Variants in GRAP2 observed in about 807,000 individuals in gnomAD.
GRAP2 encodes GRB2 related adaptor protein 2.
GRAP2 carries 31 observed loss-of-function variants against 43.5 expected under a neutral mutation model. That is an observed-to-expected ratio of 0.71 (90% confidence interval 0.54 to 0.96). The LOEUF is 0.96. Ranked by LOEUF, GRAP2 falls within the 40% of genes least tolerant of loss-of-function variation. The pLI is 0.00. For missense variants in GRAP2, 371 were observed against 424.4 expected (o/e 0.87, Z 1.11); for synonymous variants, 156 against 164.8 (o/e 0.95, Z 0.41).
intron 1 of GRAP2, among the ~76,000 whole-genome samples, chr22:39,920,611 C>A (rs982028831): frequency 6.6e-6 from 1 of 152,146 alleles, no homozygotes; most frequent in Admixed American, 6.5e-5. Context: ...ATGCTGCCCC[C>A]ATTCTGTGCT....
At chr22:39,967,997 T>G in intron 5 of GRAP2, 45 bp from the exon 6 acceptor site, 1 of 1,587,390 alleles carries the variant, frequency 6.3e-7, no homozygotes, top group Non-Finnish European at 8.6e-7. Flanking sequence ...GGCCAGACGA[T>G]CAGAGAGGAG....
the GRAP2 span, chr22:39,893,846 G>C: frequency 1.3e-5 from 2 of 152,308 alleles, no homozygotes; most frequent in Non-Finnish European, 2.9e-5. Context: ...CGTCAAGCAA[G>C]ATGGTTGCAG....
intron 5 of GRAP2, 23 bp downstream of exon 5, chr22:39,966,181 C>A (rs372341383): frequency 6.2e-7 from 1 of 1,602,806 alleles, no homozygotes; most frequent in South Asian, 1.1e-5. Context: ...TCCAGTCGAC[C>A]CCAATCTAGA....
rs1160900890 is a variant in GRAP2, at chr22:39,968,090, C to G, written c.508C>G (p.Leu170Val). Residue 170 changes from leucine to valine, a missense_variant, in exon 6 of 8, where the codon CTC (leucine) becomes GTC (valine). Transcript: ENST00000344138. ...CCGGAGGTCCCAGGGAGGCCCACACCTCAGTGGGGCTGTGGGAGAAGAAAT... is the reference window on the plus strand; with the variant it reads ...CCGGAGGTCCCAGGGAGGCCCACACGTCAGTGGGGCTGTGGGAGAAGAAAT... ...LDRRSQGGPH[L>V]SGAVGEEIRP... The G allele has an allele frequency of 6.2e-7, 1 of 1,612,260 alleles. No individual in the cohort carries two copies. The highest frequency in any genetic ancestry group is 8.5e-7 in the Non-Finnish European group (1 of 1,179,190).
At chr22:39,958,358 A>G (rs1322616445) in intron 3 of GRAP2, among the ~76,000 whole-genome samples, 3 of 152,000 alleles carry the variant, frequency 2.0e-5, no homozygotes, top group Non-Finnish European at 4.4e-5. Context: ...CTCAGTTTTC[A>G]TGTTCTCCAC....
At chr22:39,964,226 C>T in intron 4 of GRAP2, 2 of 576,046 alleles carry the variant, frequency 3.5e-6, no homozygotes, top group East Asian at 2.9e-5. Flanking sequence ...AAGGCTCAGC[C>T]CACCCTTCCT....
At chr22:39,895,707 G>C in the GRAP2 span, among the ~76,000 whole-genome samples, 1 of 152,156 alleles carries the variant, frequency 6.6e-6, no homozygotes, top group South Asian at 2.1e-4. Context: ...CCTGCTATTT[G>C]CCAAGCACTA....
At chr22:39,905,993 A>G (rs2066520371) in intron 1 of GRAP2, among the ~76,000 whole-genome samples, 1 of 152,230 alleles carries the variant, frequency 6.6e-6, no homozygotes, top group Non-Finnish European at 1.5e-5. Context: ...AAGTACTCTT[A>G]TTACATTTAC....
intron 1 of GRAP2, among the ~76,000 whole-genome samples, chr22:39,911,196 T>C (rs2066561871): frequency 6.6e-6 from 1 of 152,204 alleles, no homozygotes; most frequent in Non-Finnish European, 1.5e-5. Flanking sequence ...ATTATCCTGA[T>C]CACTACGTGT....
At chr22:39,950,243 C>T (rs989369619) in intron 2 of GRAP2, among the ~76,000 whole-genome samples, 1 of 152,196 alleles carries the variant, frequency 6.6e-6, no homozygotes, top group Non-Finnish European at 1.5e-5. Context: ...CAAATCACTC[C>T]CTCTTCAGCT....
chr22:39,895,788 A>G, the GRAP2 span, among the ~76,000 whole-genome samples: 1 of 152,224 alleles, frequency 6.6e-6, no homozygotes, highest in Admixed American at 6.5e-5. Context: ...TAAATCAGCA[A>G]TTGTAAGTAG....
At position 39,970,904 on chromosome 22, in the gene GRAP2, G is replaced by A; in HGVS notation, c.814-1G>A. Reference sequence around the variant, plus strand: ...AGCCTCTTCTGTGCTTCCCCCAACAGCGAGTGCGGTGGGCCCGGGCGCTGT... The same window carrying A: ...AGCCTCTTCTGTGCTTCCCCCAACAACGAGTGCGGTGGGCCCGGGCGCTGT... On this transcript the variant is annotated splice_acceptor_variant, in intron 7 of 7. Transcript: ENST00000344138. LOFTEE classifies it high-confidence loss of function. 8 of 1,598,324 alleles carry A rather than the reference G, an allele frequency of 5.0e-6. No individual in the cohort carries two copies. The highest frequency in any genetic ancestry group is 6.8e-6 in the Non-Finnish European group (8 of 1,172,736).
chr22:39,925,663 G>A (rs747191322), intron 1 of GRAP2, among the ~76,000 whole-genome samples: 78 of 152,166 alleles, frequency 5.1e-4, no homozygotes, highest in Non-Finnish European at 8.7e-4. Flanking sequence ...TGAGGTGTGC[G>A]TGTGCCAATT....
intron 1 of GRAP2, chr22:39,926,707 T>G (rs985654447): frequency 4.4e-5 from 43 of 983,962 alleles, no homozygotes; most frequent in Non-Finnish European, 5.2e-5. Context: ...GGGGGATTGG[T>G]TTTTTTTCCA....
At chr22:39,940,616 A>T (rs982880844) in intron 1 of GRAP2, among the ~76,000 whole-genome samples, 7 of 152,050 alleles carry the variant, frequency 4.6e-5, no homozygotes, top group African/African-American at 1.7e-4. Flanking sequence ...CAGATGTAAG[A>T]TGCAGAGCAA....
In GRAP2 at chr22:39,901,265, C is replaced by T; in HGVS notation, c.-80C>T. The T allele has an allele frequency of 7.8e-7, 1 of 1,279,364 alleles. No homozygotes were observed. Among genetic ancestry groups the T allele is most frequent in the Non-Finnish European group, 1.0e-6 (1 of 979,834 alleles). The allele number at this position is 1,279,364 out of a possible 1,614,324, so 79.3% of individuals were successfully genotyped here. On this transcript the variant is annotated 5_prime_UTR_variant, in exon 1 of 8. Coordinates refer to ENST00000344138, the MANE Select transcript of GRAP2 (RefSeq NM_004810.4). ...TGCTTGAATTTGTCTCCCTTCTTGC[C>T]AGAAAGGATTCTAATAACTCGGTGT...
upstream of GRAP2, among the ~76,000 whole-genome samples, chr22:39,898,733 A>C (rs1004143500): frequency 6.6e-6 from 1 of 152,190 alleles, no homozygotes; most frequent in Non-Finnish European, 1.5e-5. Flanking sequence ...GAATCATTTG[A>C]ACTTAGGAGG....
rs1416523721 is a variant in GRAP2, at chr22:39,932,117, T to C, written c.-14-14976T>C. Among the ~76,000 whole-genome samples the C allele has an allele frequency of 3.9e-5, 6 of 152,216 alleles. No homozygotes were observed. In the East Asian group the frequency reaches 1.2e-3, roughly 29 times the overall value. ...GAAATCTTGTGGGACAGGCGTTGCA[T>C]GAGGTGAGGGGCAGCAGGGAAATTC... is the stretch of plus-strand genomic sequence containing the variant. On this transcript the variant is annotated intron_variant, in intron 1 of 7. Coordinates refer to ENST00000344138, the MANE Select transcript of GRAP2 (RefSeq NM_004810.4).
intron 7 of GRAP2, among the ~76,000 whole-genome samples, chr22:39,970,079 C>T (rs1476174868): frequency 2.6e-5 from 4 of 152,142 alleles, no homozygotes; most frequent in African/African-American, 9.7e-5. Flanking sequence ...TCTTTATCAT[C>T]TTTATCATAG....
Sources: gnomAD v4.1 joint callset for allele counts (sites outside exome capture counted in the v4.1 genomes callset) on GRCh38, gnomAD v4.1.1 for gene constraint, MANE v1.5 for transcripts, NCBI Gene and HGNC (gene_info 2026-07-23, HGNC 2026-07-21) for gene names.